Variants in ALS2 observed in about 807,000 individuals in gnomAD.
ALS2 encodes the protein alsin Rho guanine nucleotide exchange factor ALS2.
ALS2 carries 117 observed loss-of-function variants against 203.4 expected under a neutral mutation model. The observed-to-expected ratio is 0.58, with a 90% CI of 0.50 to 0.67. The LOEUF (loss-of-function observed/expected upper bound fraction) is 0.67. Ranked by LOEUF, ALS2 falls within the 30% of genes least tolerant of loss-of-function variation. The pLI is 0.00. For synonymous variants in ALS2, 718 were observed against 725.9 expected (o/e 0.99, Z 0.17); for missense variants, 1,715 against 1,989.4 (o/e 0.86, Z 2.62).
chr2:201,772,850 ATTTTT>A (rs578253808), intron 1 of ALS2, among the ~76,000 whole-genome samples: 10 of 108,824 alleles, frequency 9.2e-5, no homozygotes, highest in African/African-American at 2.9e-4. Context: ...TGCTTTCATG[ATTTTT>A]TTTTTTTTTT....
chr2:201,711,184 A>T, intron 25 of ALS2, 76 bp from the exon 26 acceptor site: 1 of 911,438 alleles, frequency 1.1e-6, no homozygotes, highest in East Asian at 2.4e-5. Flanking sequence ...CACATGAAAC[A>T]CAATCACTAG....
chr2:201,746,878 A>G lies in ALS2; in HGVS notation c.1816-130T>C, dbSNP rs183355351. 1.9e-3 allele frequency: 1,942 copies of G among 1,001,348 alleles called. 2 individuals are homozygous for G. The highest frequency in any genetic ancestry group is 2.6e-3 in the Non-Finnish European group (1,666 of 647,012). 62.0% of individuals were successfully genotyped at this position (1,001,348 alleles called of 1,614,324 possible). A position where few individuals can be genotyped will look rare whatever the true frequency, so the allele number is the denominator to read the frequency against. On this transcript the variant is annotated intron_variant, in intron 8 of 33. Transcript: ENST00000264276. Reference sequence around the variant, plus strand: ...GTCAGTCATATCTGAGAGCAAACTTACCCAGCAATTTGCCCAATCAAATGC... The same window carrying G: ...GTCAGTCATATCTGAGAGCAAACTTGCCCAGCAATTTGCCCAATCAAATGC...
chr2:201,753,865 A>G (rs982440684), intron 6 of ALS2, among the ~76,000 whole-genome samples: 14 of 152,176 alleles, frequency 9.2e-5, no homozygotes, highest in Non-Finnish European at 1.2e-4. Flanking sequence ...TTTTTCATCA[A>G]TTAAAAATCT....
At chr2:201,753,996 TG>T (rs1693226667) in intron 6 of ALS2, among the ~76,000 whole-genome samples, 1 of 151,614 alleles carries the variant, frequency 6.6e-6, no homozygotes, top group African/African-American at 2.4e-5. Context: ...AGTCTTTTAC[TG>T]CTTTTTTTTT....
intron 27 of ALS2, among the ~76,000 whole-genome samples, chr2:201,709,442 A>G (rs926729286): frequency 3.3e-5 from 5 of 152,236 alleles, no homozygotes; most frequent in Admixed American, 3.3e-4. Flanking sequence ...TGGCTATTAC[A>G]TAGAAACGCT....
chr2:201,749,756 G>A lies in ALS2; in HGVS notation c.1771C>T (p.Leu591Phe). The change falls in exon 8 of 34, where the codon CTT becomes TTT. Residue 591 changes from leucine to phenylalanine, a missense_variant. Transcript: ENST00000264276. Reference protein sequence around the residue: ...YSWGSNTFGQLGHSDFPTTVP... With the variant: ...YSWGSNTFGQFGHSDFPTTVP... ...GTTGTTGGAAAATCGGAATGCCCAA[G>A]TTGACCAAAGGTATTGCTACCCCAT... The A allele has an allele frequency of 6.2e-7, 1 of 1,614,116 alleles. No individual in the cohort carries two copies. Among genetic ancestry groups the A allele is most frequent in the Non-Finnish European group, 8.5e-7 (1 of 1,180,006 alleles).
At chr2:201,724,841 C>T (rs537681361) in intron 20 of ALS2, among the ~76,000 whole-genome samples, 25 of 152,030 alleles carry the variant, frequency 1.6e-4, no homozygotes, top group African/African-American at 5.3e-4. Context: ...GGGCTGGGTG[C>T]GGTGGCTCAT....
chr2:201,753,257 C>T lies in ALS2; in HGVS notation c.1641-15G>A. Reference sequence around the variant, plus strand: ...ACGGTTGAAGCCTTAAAAAGAAACACACAGGCACACAAAGTCAAAGTATTC... The same window carrying T: ...ACGGTTGAAGCCTTAAAAAGAAACATACAGGCACACAAAGTCAAAGTATTC... On this transcript the variant is annotated splice_polypyrimidine_tract_variant and intron_variant, in intron 6 of 33. Transcript: ENST00000264276. 1 of 1,598,416 alleles carries T rather than the reference C, an allele frequency of 6.3e-7. No individual in the cohort carries two copies. Among genetic ancestry groups the T allele is most frequent in the Non-Finnish European group, 8.6e-7 (1 of 1,165,712 alleles).
chr2:201,724,617 C>T (rs903733447), intron 20 of ALS2, among the ~76,000 whole-genome samples, 158 bp from the exon 21 acceptor site: 2 of 151,884 alleles, frequency 1.3e-5, no homozygotes, highest in African/African-American at 2.4e-5. Context: ...ACCTCATTTT[C>T]GAATGATTAA....
chr2:201,767,173 A>T, intron 3 of ALS2, 56 bp downstream of exon 3: 1 of 1,609,916 alleles, frequency 6.2e-7, no homozygotes, highest in East Asian at 2.2e-5. Flanking sequence ...GACCTTCCAC[A>T]CTCAGGCATT....
intron 1 of ALS2, among the ~76,000 whole-genome samples, chr2:201,775,677 G>A (rs1027239360): frequency 6.6e-6 from 1 of 152,030 alleles, no homozygotes; most frequent in East Asian, 1.9e-4. Context: ...AGGCCACTTG[G>A]AACCCCACGC....
chr2:201,719,954 G>C (rs1281014072), intron 23 of ALS2: 2 of 248,040 alleles, frequency 8.1e-6, no homozygotes, highest in African/African-American at 4.7e-5. Context: ...GGCAAGTAAA[G>C]AAACTGAGTT....
chr2:201,774,597 G>A (rs1694571275), intron 1 of ALS2, among the ~76,000 whole-genome samples: 1 of 152,178 alleles, frequency 6.6e-6, no homozygotes, highest in Admixed American at 6.5e-5. Flanking sequence ...CAAAGAGAAA[G>A]TTAAATCATG....
intron 3 of ALS2, chr2:201,765,652 C>G (rs1036611366): frequency 6.3e-6 from 1 of 159,294 alleles, no homozygotes; most frequent in Non-Finnish European, 1.5e-5. Flanking sequence ...TAAATACTTA[C>G]AGAGCAGAAA....
At chr2:201,764,456 C>T (rs957516228) in intron 3 of ALS2, among the ~76,000 whole-genome samples, 2 of 150,290 alleles carry the variant, frequency 1.3e-5, no homozygotes, top group African/African-American at 4.9e-5. Flanking sequence ...ATGGTGAAAC[C>T]CTGTCTCTAC....
At chr2:201,723,662 G>GAC (rs1308615347) in intron 21 of ALS2, among the ~76,000 whole-genome samples, 3 of 152,144 alleles carry the variant, frequency 2.0e-5, no homozygotes, top group African/African-American at 7.2e-5. Flanking sequence ...GTTGTGGTCT[G>GAC]ACACAGATCT....
intron 10 of ALS2, among the ~76,000 whole-genome samples, chr2:201,744,008 C>A (rs768116310): frequency 4.6e-5 from 7 of 152,160 alleles, no homozygotes; most frequent in Non-Finnish European, 7.3e-5. Flanking sequence ...CCATGAATAT[C>A]CTAAAAGTTC....
In ALS2 at chr2:201,761,568, A is replaced by G; in HGVS notation, c.426T>C (p.Ser142=). 1.2e-6 allele frequency: 2 copies of G among 1,614,226 alleles called. No homozygotes were observed. Among genetic ancestry groups the G allele is most frequent in the Non-Finnish European group, 8.5e-7 (1 of 1,180,032 alleles). Residue 142 remains serine (S), a synonymous_variant, in exon 4 of 34, where the codon TCT becomes TCC. Transcript: ENST00000264276. ...PEPNPVSIAD[S]EASPLLAVRI... is the part of the protein sequence containing the mutation. ...TGACTGCTAACAAAGGGCTGGCCTCAGAATCAGCAATGCTGACAGGATTTG... is the reference window on the plus strand; with the variant it reads ...TGACTGCTAACAAAGGGCTGGCCTCGGAATCAGCAATGCTGACAGGATTTG...
rs148682290 is a variant in ALS2, at chr2:201,750,825, C to T, written c.1738-1036G>A. Among the ~76,000 whole-genome samples the T allele has an allele frequency of 2.8e-4, 42 of 151,440 alleles. 1 individual carries two copies. The highest frequency in any genetic ancestry group is 9.4e-4 in the African/African-American group (39 of 41,272). On this transcript the variant is annotated intron_variant, in intron 7 of 33. Transcript: ENST00000264276. ...ACTGTGCATATACTTTAACAAATTACGTACTGAATTAAGTTCTTTCCAATT... is the reference window on the plus strand; with the variant it reads ...ACTGTGCATATACTTTAACAAATTATGTACTGAATTAAGTTCTTTCCAATT...
Sources: allele counts gnomAD v4.1 joint callset (sites outside exome capture counted in the v4.1 genomes callset), GRCh38; gene constraint gnomAD v4.1.1; transcripts MANE v1.5; gene names NCBI Gene and HGNC (gene_info 2026-07-23, HGNC 2026-07-21).